Variants in ROBO1 observed in about 807,000 individuals in gnomAD.
The protein encoded by ROBO1 is roundabout guidance receptor 1, also known as roundabout homolog 1.
A neutral mutation model predicts 195.9 loss-of-function variants in ROBO1; 149 were observed. The observed-to-expected ratio is 0.76, with a 90% CI of 0.67 to 0.87. ROBO1 has a LOEUF of 0.87. Among genes scored for constraint, ROBO1 ranks in the 40% least tolerant of loss-of-function variants. The pLI is 0.00. For missense variants in ROBO1, 1,933 were observed against 2,068.3 expected, an observed-to-expected ratio of 0.93 and a Z score of 1.27; for synonymous variants, 816 against 733.2, an observed-to-expected ratio of 1.11 and a Z score of -1.82.
intron 2 of ROBO1, among the ~76,000 whole-genome samples, chr3:79,243,336 T>C (rs1420809186): frequency 6.6e-6 from 1 of 152,168 alleles, no homozygotes; most frequent in Non-Finnish European, 1.5e-5. Flanking sequence ...TATAATCCTT[T>C]GGGTATATAC....
chr3:79,506,676 C>G (rs1940416411), intron 2 of ROBO1, among the ~76,000 whole-genome samples: 1 of 152,152 alleles, frequency 6.6e-6, no homozygotes, highest in Non-Finnish European at 1.5e-5. Flanking sequence ...ATCTCCTGAC[C>G]TCGTGATCCA....
chr3:78,626,549 G>A (rs1219108913), intron 26 of ROBO1, among the ~76,000 whole-genome samples: 1 of 151,974 alleles, frequency 6.6e-6, no homozygotes, highest in Non-Finnish European at 1.5e-5. Flanking sequence ...TAGGAATACA[G>A]AAAATAATGT....
intron 2 of ROBO1, among the ~76,000 whole-genome samples, chr3:79,425,169 G>T (rs1270190861): frequency 2.0e-5 from 3 of 151,964 alleles, no homozygotes; most frequent in Admixed American, 2.0e-4. Context: ...TCCATTATAT[G>T]CCCCTCACAT....
At chr3:79,438,801 T>A (rs2038966156) in intron 2 of ROBO1, among the ~76,000 whole-genome samples, 1 of 152,080 alleles carries the variant, frequency 6.6e-6, no homozygotes, top group Non-Finnish European at 1.5e-5. Flanking sequence ...GTCATTTTTA[T>A]TTTTTCTTTT....
At chr3:79,254,299 A>G (rs750144395) in intron 2 of ROBO1, among the ~76,000 whole-genome samples, 2 of 152,132 alleles carry the variant, frequency 1.3e-5, no homozygotes, top group African/African-American at 4.8e-5. Context: ...TGTTTTGCAT[A>G]ATAGGAACTT....
intron 3 of ROBO1, among the ~76,000 whole-genome samples, chr3:79,069,173 G>T (rs563353053): frequency 6.6e-6 from 1 of 151,876 alleles, no homozygotes; most frequent in East Asian, 1.9e-4. Context: ...TTTCTGTTTA[G>T]TGGATGAAAA....
intron 2 of ROBO1, among the ~76,000 whole-genome samples, chr3:79,222,177 T>G (rs1274605914): frequency 6.6e-6 from 1 of 152,062 alleles, no homozygotes; most frequent in East Asian, 1.9e-4. Context: ...AACATTATCT[T>G]ATTTTCAAGA....
At chr3:79,034,347 A>T (rs944288795) in intron 3 of ROBO1, among the ~76,000 whole-genome samples, 1 of 152,176 alleles carries the variant, frequency 6.6e-6, no homozygotes, top group Admixed American at 6.5e-5. Flanking sequence ...AAACGTCTCC[A>T]CATTTACACA....
chr3:78,625,640 A>G (rs1704716146), intron 26 of ROBO1, among the ~76,000 whole-genome samples: 1 of 152,194 alleles, frequency 6.6e-6, no homozygotes, highest in African/African-American at 2.4e-5. Flanking sequence ...ATTTTTGAAT[A>G]CTTACCCTGC....
rs1203119842 is a variant in ROBO1 at position 78,598,723 on chromosome 3, G to A, written c.*190C>T. 1 of 417,960 alleles carries A rather than the reference G, an allele frequency of 2.4e-6. No homozygotes were observed. The highest frequency in any genetic ancestry group is 4.3e-6 in the Non-Finnish European group (1 of 234,132). The allele number at this position is 417,960 out of a possible 1,614,324, so 25.9% of individuals were successfully genotyped here. A position where few individuals can be genotyped will look rare whatever the true frequency, so the allele number is the denominator to read the frequency against. ...GGGGAATAGGAAGGCTCTTTGTAGG[G>A]TTAGGGATCAAACAACAACAATAAA... On this transcript the variant is annotated 3_prime_UTR_variant, in exon 31 of 31. Coordinates refer to ENST00000464233, the MANE Select transcript of ROBO1 (RefSeq NM_002941.4).
chr3:79,712,117 T>G (rs982986862), intron 1 of ROBO1, among the ~76,000 whole-genome samples: 1 of 152,042 alleles, frequency 6.6e-6, no homozygotes, highest in Admixed American at 6.6e-5. Flanking sequence ...TACAAAGACC[T>G]CTAAAATGTT....
intron 4 of ROBO1, among the ~76,000 whole-genome samples, chr3:78,749,044 T>A (rs1202120812): frequency 6.6e-6 from 1 of 152,144 alleles, no homozygotes; most frequent in Non-Finnish European, 1.5e-5. Context: ...TATATTATTA[T>A]TAGGTGTTAA....
At chr3:78,709,782 C>T (rs188041480) in intron 8 of ROBO1, among the ~76,000 whole-genome samples, 1 of 152,226 alleles carries the variant, frequency 6.6e-6, no homozygotes, top group East Asian at 1.9e-4. Context: ...CACTATTTTA[C>T]AGAGAGAAAC....
chr3:78,949,486 C>G (rs1375368338), intron 3 of ROBO1, among the ~76,000 whole-genome samples: 1 of 151,978 alleles, frequency 6.6e-6, no homozygotes, highest in South Asian at 2.1e-4. Flanking sequence ...GGATCCCTTC[C>G]TTACATCTTA....
chr3:79,017,704 T>C (rs1481567516), intron 3 of ROBO1, among the ~76,000 whole-genome samples: 1 of 152,120 alleles, frequency 6.6e-6, no homozygotes, highest in East Asian at 1.9e-4. Context: ...AATTTCAGTA[T>C]TATTTAATTA....
intron 2 of ROBO1, among the ~76,000 whole-genome samples, chr3:79,479,142 T>C (rs1340174818): frequency 6.6e-6 from 1 of 152,148 alleles, no homozygotes; most frequent in African/African-American, 2.4e-5. Context: ...TAAATGATAA[T>C]GGAATGTAAA....
chr3:78,863,505 G>A (rs1179363709), intron 4 of ROBO1, among the ~76,000 whole-genome samples: 1 of 152,024 alleles, frequency 6.6e-6, no homozygotes, highest in Non-Finnish European at 1.5e-5. Flanking sequence ...TTCTGCCGAG[G>A]GACTGTCAAC....
chr3:78,812,735 C>T (rs893941577), intron 4 of ROBO1, among the ~76,000 whole-genome samples: 3 of 151,940 alleles, frequency 2.0e-5, no homozygotes, highest in Admixed American at 1.3e-4. Flanking sequence ...ATAGTGACTG[C>T]CACTAAAACG....
intron 2 of ROBO1, among the ~76,000 whole-genome samples, chr3:79,524,593 T>C (rs1424026312): frequency 6.6e-6 from 1 of 152,140 alleles, no homozygotes; most frequent in Non-Finnish European, 1.5e-5. Flanking sequence ...TAAAGCTAAG[T>C]ATTGCATTTG....
Sources: allele counts gnomAD v4.1 joint callset (sites outside exome capture counted in the v4.1 genomes callset), GRCh38; gene constraint gnomAD v4.1.1; transcripts MANE v1.5; gene names NCBI Gene and HGNC (gene_info 2026-07-23, HGNC 2026-07-21).